GINM1: variants seen among roughly 807,000 people sequenced by gnomAD.
GINM1 encodes the protein glycosylated integral membrane protein 1.
Under a neutral mutation model 37.8 loss-of-function variants are expected in GINM1, and 29 were observed. The ratio of observed to expected loss-of-function variants is 0.77; its 90% CI spans 0.57 to 1.05. GINM1 has a LOEUF of 1.05. GINM1 is among the 50% of genes least tolerant of loss of function. GINM1 has a pLI of 0.00. For synonymous variants in GINM1, 143 were observed against 146.2 expected, an observed-to-expected ratio of 0.98 and a Z score of 0.16; for missense variants, 377 against 397.9, an observed-to-expected ratio of 0.95 and a Z score of 0.45.
chr6:149,569,183 G>A (rs1391215016), intron 1 of GINM1, among the ~76,000 whole-genome samples: 6 of 151,932 alleles, frequency 3.9e-5, no homozygotes, highest in South Asian at 2.1e-4. Flanking sequence ...ACAGGCTCCC[G>A]CCACTGCGCC....
intron 3 of GINM1, among the ~76,000 whole-genome samples, chr6:149,573,313 T>A (rs1439787090): frequency 1.3e-5 from 2 of 151,532 alleles, no homozygotes; most frequent in African/African-American, 4.8e-5. Flanking sequence ...ACAAAAAAAA[T>A]AAAAATAAAG....
chr6:149,585,224 TA>T (rs1262117320), intron 7 of GINM1, among the ~76,000 whole-genome samples: 8 of 152,182 alleles, frequency 5.3e-5, no homozygotes, highest in Non-Finnish European at 8.8e-5. Flanking sequence ...AATATAAAAT[TA>T]AAAACCAAAT....
intron 3 of GINM1, among the ~76,000 whole-genome samples, chr6:149,576,760 G>T (rs1322078650): frequency 6.6e-6 from 1 of 152,204 alleles, no homozygotes; most frequent in African/African-American, 2.4e-5. Flanking sequence ...CAGTAAGGAA[G>T]TCAATATGAA....
chr6:149,579,385 A>G (rs1420056476), intron 4 of GINM1, among the ~76,000 whole-genome samples: 1 of 152,224 alleles, frequency 6.6e-6, no homozygotes, highest in Non-Finnish European at 1.5e-5. Context: ...AAGTGGGAGT[A>G]CGGGGAAATA....
intron 6 of GINM1, 195 bp from the exon 7 acceptor site, chr6:149,582,245 T>C (rs960309835): frequency 1.8e-5 from 11 of 610,742 alleles, no homozygotes; most frequent in Non-Finnish European, 2.6e-5. Context: ...AGTAACTTCA[T>C]TGAGGTACAT....
At chr6:149,581,245 A>G (rs980117303) in intron 6 of GINM1, among the ~76,000 whole-genome samples, 1 of 151,338 alleles carries the variant, frequency 6.6e-6, no homozygotes, top group African/African-American at 2.4e-5. Flanking sequence ...TTACTCCTCC[A>G]CCTCCTGGGT....
rs1777988888 is a variant in GINM1, at chr6:149,580,819, G to T, written c.717+96G>T. 11 of 1,054,738 alleles carry T rather than the reference G, an allele frequency of 1.0e-5. No individual in the cohort carries two copies. The South Asian group carries it at 1.2e-4, about 12-fold the overall frequency. The allele number at this position is 1,054,738 out of a possible 1,614,324, so 65.3% of individuals were successfully genotyped here. A position where few individuals can be genotyped will look rare whatever the true frequency, so the allele number is the denominator to read the frequency against. On this transcript the variant is annotated intron_variant, in intron 6 of 7. Transcript: ENST00000367419. Reference sequence around the variant, plus strand: ...AATGGAGTGGAAATCCTGAAGAATGGAACTGTAGAGCATTGGTGATAATGG... The same window carrying T: ...AATGGAGTGGAAATCCTGAAGAATGTAACTGTAGAGCATTGGTGATAATGG...
At chr6:149,584,679 T>A (rs1431446008) in intron 7 of GINM1, 1 of 152,122 alleles carries the variant, frequency 6.6e-6, no homozygotes, top group Middle Eastern at 3.2e-3. Flanking sequence ...TTTTTTGGAA[T>A]TTTGAACATT....
intron 1 of GINM1, among the ~76,000 whole-genome samples, chr6:149,571,270 G>A (rs1425772533): frequency 2.7e-5 from 4 of 146,862 alleles, no homozygotes; most frequent in Non-Finnish European, 4.4e-5. Context: ...AGCCAAGATC[G>A]CCACTGCACT....
chr6:149,586,628 C>G (rs1261079288), intron 7 of GINM1, among the ~76,000 whole-genome samples: 13 of 152,168 alleles, frequency 8.5e-5, no homozygotes, highest in African/African-American at 2.9e-4. Context: ...TCTGTGGTGC[C>G]TCTGTGAGTT....
Position 149,590,877 on chromosome 6 carries a change from G to A in GINM1, c.*39G>A, listed in dbSNP as rs1231651734. On this transcript the variant is annotated 3_prime_UTR_variant, in exon 8 of 8. Coordinates refer to ENST00000367419, the MANE Select transcript of GINM1 (RefSeq NM_138785.5). ...ATCATGGACTCCGAAGTAGCCTGTT[G>A]CCTCCAAATTTGCCACTTGAATATA... 1.1e-6 allele frequency: 1 copy of A among 950,904 alleles called. No homozygotes were observed. Among genetic ancestry groups the A allele is most frequent in the Non-Finnish European group, 1.7e-6 (1 of 598,288 alleles). 58.9% of individuals were successfully genotyped at this position (950,904 alleles called of 1,614,324 possible).
intron 3 of GINM1, among the ~76,000 whole-genome samples, chr6:149,572,946 G>T (rs1777852615): frequency 2.0e-5 from 3 of 152,186 alleles, no homozygotes; most frequent in Admixed American, 2.0e-4. Flanking sequence ...GATTACAGAT[G>T]TGAGCCCCTG....
chr6:149,579,709 A>C (rs1777969202), intron 4 of GINM1, 125 bp from the exon 5 acceptor site: 1 of 554,682 alleles, frequency 1.8e-6, no homozygotes, highest in East Asian at 3.3e-5. Flanking sequence ...AAAAAAAAAA[A>C]AGAGTAATTG....
In GINM1 at chr6:149,578,845, T is replaced by C. The variant is rs184346776; in HGVS notation, c.301T>C (p.Leu101=). 8.9e-4 allele frequency: 1,417 copies of C among 1,583,280 alleles called. 35 individuals are homozygous for C. The East Asian group carries it at 0.027, about 31-fold the overall frequency. Residue 101 remains leucine (L), a synonymous_variant, in exon 4 of 8, where the codon TTG becomes CTG. Transcript: ENST00000367419. ...AGTGAAGAATGAAAATCTTGAAAAT[T>C]TGGAGGAAAAAGAATATTTTGGAAT... ...LIVKNENLEN[L]EEKEYFGIVS...
chr6:149,574,598 T>C (rs1279373788), intron 3 of GINM1, among the ~76,000 whole-genome samples: 3 of 152,260 alleles, frequency 2.0e-5, no homozygotes, highest in East Asian at 1.9e-4. Context: ...ATCAATAGAT[T>C]AGTACTTTTG....
At position 149,579,946 on chromosome 6, in the gene GINM1, G is replaced by T. The variant is rs1183286450; in HGVS notation, c.542G>T (p.Arg181Leu). The T allele has an allele frequency of 1.2e-6, 2 of 1,609,868 alleles. No homozygotes were observed. Among genetic ancestry groups the T allele is most frequent in the Admixed American group, 1.7e-5 (1 of 59,608 alleles). The change falls in exon 5 of 8, where the codon CGA becomes CTA. Residue 181 changes from arginine (R) to leucine (L), a missense_variant. Arg to Leu is a moderately radical substitution (Grantham distance 102). Transcript: ENST00000367419. The part of the protein sequence containing the change: ...LEESMLYSIS[R>L]DSDILFTLPN... ...GAAAGCATGCTCTACTCTATTTCTCGAGACAGTGACATTTTATTTACCCTT... is the reference window on the plus strand; with the variant it reads ...GAAAGCATGCTCTACTCTATTTCTCTAGACAGTGACATTTTATTTACCCTT...
chr6:149,568,812 C>T (rs1777761320), intron 1 of GINM1, among the ~76,000 whole-genome samples: 2 of 151,936 alleles, frequency 1.3e-5, no homozygotes, highest in African/African-American at 4.8e-5. Flanking sequence ...CAAGATTGCA[C>T]ATAAGATTGA....
chr6:149,569,337 C>CTT (rs372296900), intron 1 of GINM1, among the ~76,000 whole-genome samples: 40,618 of 123,594 alleles, frequency 0.33, 8,084 homozygotes, highest in East Asian at 0.81. Context: ...CGCCCGGTCA[C>CTT]TTTTTTTTTT....
chr6:149,580,643 G>A lies in GINM1; in HGVS notation c.637G>A (p.Glu213Lys), dbSNP rs1562272396. The A allele has an allele frequency of 1.2e-6, 2 of 1,613,762 alleles. No individual in the cohort carries two copies. The highest frequency in any genetic ancestry group is 1.7e-6 in the Non-Finnish European group (2 of 1,179,730). ...TAGCCAGTATCTTATCAGGAATGTG[G>A]AAACCACTGTAGATGAAGATGTTTT... ...TTSQYLIRNVETTVDEDVLPG... is the reference protein window; with the variant it reads ...TTSQYLIRNVKTTVDEDVLPG... The change falls in exon 6 of 8, where the codon GAA becomes AAA. Residue 213 changes from glutamate (E) to lysine (K), a missense_variant. Coordinates refer to ENST00000367419, the MANE Select transcript of GINM1 (RefSeq NM_138785.5).
Sources: gnomAD v4.1 joint callset for allele counts (sites outside exome capture counted in the v4.1 genomes callset) on GRCh38, gnomAD v4.1.1 for gene constraint, MANE v1.5 for transcripts, NCBI Gene and HGNC (gene_info 2026-07-23, HGNC 2026-07-21) for gene names.